Variants in IFT81 observed in about 807,000 individuals in gnomAD.
IFT81 encodes intraflagellar transport protein 81 homolog.
In IFT81, 72 loss-of-function variants were observed where a neutral mutation model predicts 102.6. The ratio of observed to expected loss-of-function variants is 0.70; its 90% confidence interval spans 0.58 to 0.85. IFT81 has a LOEUF of 0.85. IFT81 is among the 40% of genes least tolerant of loss of function. The pLI, the probability that IFT81 is intolerant of heterozygous loss-of-function variation, is 0.00. For synonymous variants in IFT81, 237 were observed against 242.7 expected (o/e 0.98, Z 0.22); for missense variants, 723 against 787.3 (o/e 0.92, Z 0.98).
intron 8 of IFT81, among the ~76,000 whole-genome samples, chr12:110,137,684 C>T (rs1013462484): frequency 1.3e-5 from 2 of 151,842 alleles, no homozygotes; most frequent in Admixed American, 6.6e-5. Context: ...TGCAGTGAGC[C>T]GAGATCGCGC....
chr12:110,181,568 G>A (rs952082822), intron 12 of IFT81, among the ~76,000 whole-genome samples: 3 of 152,174 alleles, frequency 2.0e-5, no homozygotes, highest in African/African-American at 7.2e-5. Context: ...GTGCAGTGAA[G>A]AGAATGTATA....
At chr12:110,179,380 A>G (rs995168539) in intron 11 of IFT81, among the ~76,000 whole-genome samples, 2 of 151,844 alleles carry the variant, frequency 1.3e-5, no homozygotes, top group African/African-American at 4.8e-5. Context: ...CTGTTTTCCT[A>G]ATCCTTATTT....
intron 11 of IFT81, among the ~76,000 whole-genome samples, chr12:110,177,658 AT>A (rs1336530757): frequency 2.0e-5 from 3 of 152,240 alleles, no homozygotes; most frequent in Non-Finnish European, 4.4e-5. Context: ...AACGTGAAGA[AT>A]TTTTAATCTT....
chr12:110,166,976 C>T (rs904325356), intron 11 of IFT81, among the ~76,000 whole-genome samples: 3 of 152,138 alleles, frequency 2.0e-5, no homozygotes, highest in Non-Finnish European at 4.4e-5. Flanking sequence ...AAGTTCTAGA[C>T]ATATACAGTG....
intron 11 of IFT81, among the ~76,000 whole-genome samples, chr12:110,172,749 C>T (rs1345640491): frequency 2.6e-5 from 4 of 152,188 alleles, no homozygotes; most frequent in Non-Finnish European, 4.4e-5. Context: ...ACCTCCACCC[C>T]CCAGCCGCCT....
At chr12:110,212,533 G>A (rs1869590842) in intron 18 of IFT81, among the ~76,000 whole-genome samples, 1 of 139,506 alleles carries the variant, frequency 7.2e-6, no homozygotes, top group East Asian at 2.2e-4. Flanking sequence ...GTGAAACTGT[G>A]TCTTAAAAAA....
intron 12 of IFT81, among the ~76,000 whole-genome samples, chr12:110,183,103 A>C (rs1897377071): frequency 6.6e-6 from 1 of 152,174 alleles, no homozygotes; most frequent in Non-Finnish European, 1.5e-5. Flanking sequence ...TTACTGAATT[A>C]TATGGTCATA....
Position 110,203,933 on chromosome 12 carries a change from C to A in IFT81, c.1627C>A (p.Arg543=). 1.9e-6 allele frequency: 3 copies of A among 1,611,896 alleles called. No individual in the cohort carries two copies. The highest frequency in any genetic ancestry group is 2.5e-6 in the Non-Finnish European group (3 of 1,178,304). ...CTGTGCAGCAGGCCTCGAAAGCAAT[C>A]GGTCCAAATTAGAACAGGTAAGAAG... The part of the protein sequence containing the change: ...DSCAAGLESN[R]SKLEQEVRRL... Residue 543 remains arginine (R), a synonymous_variant, in exon 15 of 19, where the codon CGG becomes AGG. Transcript: ENST00000242591.
At chr12:110,175,564 A>G (rs956027681) in intron 11 of IFT81, among the ~76,000 whole-genome samples, 1 of 152,236 alleles carries the variant, frequency 6.6e-6, no homozygotes, top group Non-Finnish European at 1.5e-5. Flanking sequence ...TATGTTTAGA[A>G]ATTTTTTAAA....
At chr12:110,191,361 G>C (rs1029894548) in intron 13 of IFT81, among the ~76,000 whole-genome samples, 1 of 151,938 alleles carries the variant, frequency 6.6e-6, no homozygotes, top group Non-Finnish European at 1.5e-5. Context: ...AGTAGAGACA[G>C]GGTTTCACCA....
At chr12:110,183,114 C>T (rs765209572) in intron 12 of IFT81, among the ~76,000 whole-genome samples, 44 of 152,142 alleles carry the variant, frequency 2.9e-4, no homozygotes, top group Non-Finnish European at 5.4e-4. Context: ...TATGGTCATA[C>T]GAATGCTATC....
intron 11 of IFT81, chr12:110,168,857 G>A (rs1896583379): frequency 6.6e-6 from 1 of 152,192 alleles, no homozygotes; most frequent in South Asian, 2.1e-4. Flanking sequence ...AGGTCTGCTT[G>A]CAAAGTTGGC....
intron 8 of IFT81, among the ~76,000 whole-genome samples, chr12:110,139,172 C>CA (rs1253996211): frequency 6.6e-6 from 1 of 151,076 alleles, no homozygotes; most frequent in Non-Finnish European, 1.5e-5. Context: ...CCTGTCTCTA[C>CA]AAAAAAATAC....
At chr12:110,201,574 G>T (rs1593368282) in intron 14 of IFT81, among the ~76,000 whole-genome samples, 3 of 151,942 alleles carry the variant, frequency 2.0e-5, no homozygotes, top group Non-Finnish European at 4.4e-5. Context: ...GGGACCACAG[G>T]CACATACCAC....
intron 18 of IFT81, among the ~76,000 whole-genome samples, chr12:110,214,760 AAC>A (rs1318632752): frequency 6.6e-6 from 1 of 152,236 alleles, no homozygotes; most frequent in Non-Finnish European, 1.5e-5. Flanking sequence ...TTCTTTAAAT[AAC>A]TTTTATAGGT....
intron 12 of IFT81, among the ~76,000 whole-genome samples, chr12:110,185,351 A>AT (rs150670759): frequency 0.021 from 3,155 of 150,910 alleles, 51 homozygotes; most frequent in Non-Finnish European, 0.032. Context: ...ATGCCCAACT[A>AT]TTTTTTTGTA....
At chr12:110,170,661 G>A (rs1896686820) in intron 11 of IFT81, among the ~76,000 whole-genome samples, 1 of 152,234 alleles carries the variant, frequency 6.6e-6, no homozygotes, top group South Asian at 2.1e-4. Flanking sequence ...AGCAATAAAT[G>A]TACCTCCAGT....
intron 10 of IFT81, among the ~76,000 whole-genome samples, chr12:110,160,769 G>T (rs371473264): frequency 6.6e-6 from 1 of 152,090 alleles, no homozygotes; most frequent in African/African-American, 2.4e-5. Flanking sequence ...TATGTCTTCC[G>T]ACTGATTTTG....
At chr12:110,212,190 G>A (rs181899398) in intron 18 of IFT81, among the ~76,000 whole-genome samples, 104 of 150,998 alleles carry the variant, frequency 6.9e-4, no homozygotes, top group Non-Finnish European at 1.3e-3. Context: ...AAAACAAATG[G>A]TATAGAAAAC....
Sources: allele counts gnomAD v4.1 joint callset (sites outside exome capture counted in the v4.1 genomes callset), GRCh38; gene constraint gnomAD v4.1.1; transcripts MANE v1.5; gene names NCBI Gene and HGNC (gene_info 2026-07-23, HGNC 2026-07-21).